Variants in TNNI3K observed in about 807,000 individuals in gnomAD.
TNNI3K encodes the protein TNNI3 interacting kinase, also known as serine/threonine-protein kinase TNNI3K.
A neutral mutation model predicts 114.5 loss-of-function variants in TNNI3K; 140 were observed. The ratio of observed to expected loss-of-function variants is 1.22; its 90% confidence interval spans 1.07 to 1.41. The LOEUF is 1.41. TNNI3K is among the 40% of genes most tolerant of loss of function. The pLI, the probability that TNNI3K is intolerant of heterozygous loss-of-function variation, is 0.00. For synonymous variants in TNNI3K, 347 were observed against 347.5 expected, an observed-to-expected ratio of 1.00 and a Z score of 0.02; for missense variants, 1,125 against 1,007.6, an observed-to-expected ratio of 1.12 and a Z score of -1.58.
At chr1:74,247,058 C>T (rs759909877) in intron 2 of TNNI3K, among the ~76,000 whole-genome samples, 10 of 152,034 alleles carry the variant, frequency 6.6e-5, no homozygotes, top group African/African-American at 9.7e-5. Context: ...CTGTTGTGTC[C>T]GGAATTGGTG....
chr1:74,318,773 T>C (rs1001922143), intron 5 of TNNI3K, among the ~76,000 whole-genome samples: 1 of 152,212 alleles, frequency 6.6e-6, no homozygotes, highest in East Asian at 1.9e-4. Flanking sequence ...TGCTTTGGAG[T>C]AATTAATTTA....
chr1:74,240,223 T>A (rs1388473585), intron 2 of TNNI3K: 2 of 206,652 alleles, frequency 9.7e-6, no homozygotes, highest in Admixed American at 5.2e-5. Context: ...AACAAACTAA[T>A]AACTTAGGGC....
chr1:74,487,682 A>G (rs1668836386), intron 21 of TNNI3K, among the ~76,000 whole-genome samples: 1 of 152,196 alleles, frequency 6.6e-6, no homozygotes, highest in Non-Finnish European at 1.5e-5. Context: ...GAGCAAAAAA[A>G]CAAGTAGGGA....
intron 23 of TNNI3K, among the ~76,000 whole-genome samples, chr1:74,513,275 G>A (rs543668958): frequency 6.6e-6 from 1 of 152,172 alleles, no homozygotes; most frequent in East Asian, 1.9e-4. Context: ...ACCGGGATGT[G>A]GAAATTTACT....
intron 17 of TNNI3K, chr1:74,378,650 A>G (rs1211769683): frequency 8.9e-6 from 1 of 111,950 alleles, no homozygotes; most frequent in Non-Finnish European, 1.8e-5. Context: ...ATTTCATTTC[A>G]TCACCTCAGC....
intron 21 of TNNI3K, chr1:74,464,642 C>T (rs1419117006): frequency 6.3e-7 from 1 of 1,586,434 alleles, no homozygotes; most frequent in East Asian, 2.3e-5. Context: ...AAGGCAAAAT[C>T]CAGACCAAGT....
intron 17 of TNNI3K, among the ~76,000 whole-genome samples, chr1:74,408,598 G>T (rs1664733066): frequency 6.6e-6 from 1 of 152,044 alleles, no homozygotes. Flanking sequence ...CATTTCATCT[G>T]CCCACAAATC....
At chr1:74,358,722 C>T (rs557577346) in intron 11 of TNNI3K, among the ~76,000 whole-genome samples, 2 of 151,728 alleles carry the variant, frequency 1.3e-5, no homozygotes, top group African/African-American at 4.8e-5. Context: ...TTTTCGTATA[C>T]TGGTTATCTT....
At chr1:74,470,848 G>A (rs1184876723) in intron 21 of TNNI3K, 1 of 400,510 alleles carries the variant, frequency 2.5e-6, no homozygotes, top group Non-Finnish European at 4.4e-6. Flanking sequence ...TTGATTCCTC[G>A]GGGACAAAGA....
chr1:74,439,773 T>C (rs1002024726), intron 20 of TNNI3K, 151 bp downstream of exon 20: 2 of 1,198,292 alleles, frequency 1.7e-6, no homozygotes, highest in East Asian at 2.6e-5. Context: ...TTAAGGTGTG[T>C]GCCCAACCCA....
intron 23 of TNNI3K, among the ~76,000 whole-genome samples, chr1:74,507,546 A>G (rs1669970345): frequency 6.6e-6 from 1 of 152,178 alleles, no homozygotes; most frequent in Non-Finnish European, 1.5e-5. Flanking sequence ...AGTGTGATGG[A>G]TATATGTGTA....
chr1:74,323,447 AT>A (rs45524641), intron 5 of TNNI3K, among the ~76,000 whole-genome samples: 434 of 148,464 alleles, frequency 2.9e-3, no homozygotes, highest in African/African-American at 8.5e-3. Context: ...ACTAGCACAC[AT>A]TTTTTTTTTT....
intron 2 of TNNI3K, among the ~76,000 whole-genome samples, chr1:74,243,537 AGT>A (rs1283480123): frequency 7.9e-5 from 12 of 152,172 alleles, no homozygotes; most frequent in African/African-American, 2.9e-4. Context: ...CTTGGAGAGC[AGT>A]GTGTTACTTT....
At chr1:74,493,325 G>A (rs1669168468) in intron 23 of TNNI3K, among the ~76,000 whole-genome samples, 1 of 152,176 alleles carries the variant, frequency 6.6e-6, no homozygotes, top group African/African-American at 2.4e-5. Context: ...ATACCACTGA[G>A]TTGCTAGTTT....
chr1:74,451,657 TTTTTCTTTTC>T (rs1553148015), intron 20 of TNNI3K, among the ~76,000 whole-genome samples: 1 of 53,090 alleles, frequency 1.9e-5, no homozygotes, highest in African/African-American at 5.3e-5. Flanking sequence ...TTTCCTTTCT[TTTTTCTTTTC>T]TTTTCTTTTC....
At chr1:74,264,180 A>C in intron 4 of TNNI3K, among the ~76,000 whole-genome samples, 1 of 151,702 alleles carries the variant, frequency 6.6e-6, no homozygotes, top group Admixed American at 6.6e-5. Context: ...TTTTTTCCAA[A>C]ATTTCAAGCA....
rs145312467 is a variant in TNNI3K at position 74,418,746 on chromosome 1, GA to G, written c.1773-17324del. 6.1e-3 allele frequency among the ~76,000 whole-genome samples: 891 copies of G among 146,410 alleles called. 9 individuals are homozygous for G. Among genetic ancestry groups the G allele is most frequent in the African/African-American group, 0.021 (823 of 40,136 alleles). On this transcript the variant is annotated intron_variant, in intron 17 of 24. Coordinates refer to ENST00000326637, the MANE Select transcript of TNNI3K (RefSeq NM_015978.3). Reference sequence around the variant, plus strand: ...CTAACCCATTCTTCTAGATGTTCAAGAAAAAAAAAACACATAAAAATCATCA... The same window carrying G: ...CTAACCCATTCTTCTAGATGTTCAAGAAAAAAAAACACATAAAAATCATCA...
chr1:74,400,913 T>A (rs929526442), intron 17 of TNNI3K, among the ~76,000 whole-genome samples: 12 of 152,216 alleles, frequency 7.9e-5, no homozygotes, highest in Non-Finnish European at 1.2e-4. Context: ...TGGCATTCCA[T>A]AAGATTCCTG....
intron 4 of TNNI3K, among the ~76,000 whole-genome samples, chr1:74,260,438 G>A (rs181955295): frequency 1.2e-3 from 176 of 152,234 alleles, no homozygotes; most frequent in African/African-American, 4.1e-3. Context: ...TCTCAGTTAT[G>A]AGACTTGCTA....
Sources: gnomAD v4.1 joint callset for allele counts (sites outside exome capture counted in the v4.1 genomes callset) on GRCh38, gnomAD v4.1.1 for gene constraint, MANE v1.5 for transcripts, NCBI Gene and HGNC (gene_info 2026-07-23, HGNC 2026-07-21) for gene names.